The following SESN3 variants were observed in gnomAD, a reference collection of about 807,000 sequenced individuals.
SESN3 encodes the protein sestrin-3.
Under a neutral mutation model 55.3 loss-of-function variants are expected in SESN3, and 21 were observed. The ratio of observed to expected loss-of-function variants is 0.38; its 90% CI spans 0.27 to 0.55. The LOEUF (loss-of-function observed/expected upper bound fraction) is 0.55. SESN3 is among the 20% of genes least tolerant of loss of function. The pLI is 0.76. For synonymous variants in SESN3, 181 were observed against 203.1 expected, an observed-to-expected ratio of 0.89 and a Z score of 0.93; for missense variants, 408 against 604.3, an observed-to-expected ratio of 0.68 and a Z score of 3.41.
At chr11:95,190,743 T>C (rs1389842341) in intron 3 of SESN3, among the ~76,000 whole-genome samples, 1 of 151,956 alleles carries the variant, frequency 6.6e-6, no homozygotes, top group Non-Finnish European at 1.5e-5. Context: ...ATCTCCTAAC[T>C]CCTGGCTAGT....
intron 9 of SESN3, among the ~76,000 whole-genome samples, chr11:95,175,062 C>T (rs574191666): frequency 6.6e-6 from 1 of 152,196 alleles, no homozygotes; most frequent in South Asian, 2.1e-4. Flanking sequence ...CTAAAGTTAA[C>T]CTATTAAGAC....
chr11:95,192,738 G>A (rs182465075), intron 2 of SESN3, among the ~76,000 whole-genome samples: 17 of 152,184 alleles, frequency 1.1e-4, no homozygotes, highest in African/African-American at 4.1e-4. Context: ...CTACAATGGC[G>A]TAACTCATTA....
At chr11:95,218,364 C>G (rs1318797565) in intron 1 of SESN3, among the ~76,000 whole-genome samples, 1 of 152,206 alleles carries the variant, frequency 6.6e-6, no homozygotes, top group South Asian at 2.1e-4. Context: ...CATCACGCTA[C>G]GTAGGTAAAA....
intron 1 of SESN3, among the ~76,000 whole-genome samples, chr11:95,225,175 A>G (rs1237638651): frequency 1.3e-5 from 2 of 152,202 alleles, no homozygotes; most frequent in East Asian, 3.8e-4. Context: ...GGGCTAGCAT[A>G]GTTTTACCCC....
intron 1 of SESN3, among the ~76,000 whole-genome samples, chr11:95,197,548 G>T (rs1045858048): frequency 2.0e-5 from 3 of 151,172 alleles, no homozygotes; most frequent in African/African-American, 7.3e-5. Context: ...GGGCTCAAGC[G>T]ATTCTCCTGC....
chr11:95,188,519 A>G (rs1006042384), intron 4 of SESN3, among the ~76,000 whole-genome samples: 1 of 151,842 alleles, frequency 6.6e-6, no homozygotes, highest in Admixed American at 6.6e-5. Flanking sequence ...TATGATCTCA[A>G]TTCTTCCCAG....
At chr11:95,184,081 AAAC>A (rs1274445952) in intron 6 of SESN3, 1 of 338,328 alleles carries the variant, frequency 3.0e-6, no homozygotes, top group Non-Finnish European at 5.3e-6. Flanking sequence ...TTATCTATTG[AAAC>A]AATATTTCAC....
intron 1 of SESN3, among the ~76,000 whole-genome samples, chr11:95,206,365 T>TACACACACACACACAC (rs3032056): frequency 5.0e-5 from 7 of 140,378 alleles, no homozygotes; most frequent in African/African-American, 1.8e-4. Context: ...AGTCCTAAAA[T>TACACACACACACACAC]ACACACACAC....
intron 1 of SESN3, among the ~76,000 whole-genome samples, chr11:95,194,083 A>G (rs1860316350): frequency 6.6e-6 from 1 of 152,124 alleles, no homozygotes; most frequent in Non-Finnish European, 1.5e-5. Context: ...TCCACTTGCT[A>G]TTCTATTGGT....
At chr11:95,210,219 G>T (rs1054444613) in intron 1 of SESN3, among the ~76,000 whole-genome samples, 1 of 151,158 alleles carries the variant, frequency 6.6e-6, no homozygotes, top group Admixed American at 6.6e-5. Context: ...GCCTGTAGGG[G>T]GTTAGGGGAG....
chr11:95,182,469 C>A (rs1281906380), intron 6 of SESN3, among the ~76,000 whole-genome samples: 1 of 152,132 alleles, frequency 6.6e-6, no homozygotes, highest in Non-Finnish European at 1.5e-5. Context: ...ATCTCTTCTA[C>A]CCTTTGTATT....
intron 1 of SESN3, among the ~76,000 whole-genome samples, chr11:95,202,332 A>G (rs78215015): frequency 0.012 from 1,850 of 152,166 alleles, 48 homozygotes; most frequent in African/African-American, 0.042. Flanking sequence ...GAACAAGAAC[A>G]TCCTGTGGAT....
rs1345044086 is a variant in SESN3, at chr11:95,226,594, TAAGTA to T, written c.78+4184_78+4188del. 3.3e-5 allele frequency among the ~76,000 whole-genome samples: 5 copies of T among 152,314 alleles called. No individual in the cohort carries two copies. In the East Asian group the frequency reaches 7.7e-4, roughly 23 times the overall value. On this transcript the variant is annotated intron_variant, in intron 1 of 9. Coordinates refer to ENST00000536441, the MANE Select transcript of SESN3 (RefSeq NM_144665.4). ...TGTTCTCACAAGTAAACATTTAACT[TAAGTA>T]AATATGGAAGGAATTCTTTTTAAAA...
chr11:95,209,619 A>G (rs1202931776), intron 1 of SESN3, among the ~76,000 whole-genome samples: 1 of 151,380 alleles, frequency 6.6e-6, no homozygotes, highest in Non-Finnish European at 1.5e-5. Flanking sequence ...CTGCAGCACT[A>G]TTCACAATAG....
chr11:95,215,990 T>G (rs904044165), intron 1 of SESN3, among the ~76,000 whole-genome samples: 9 of 149,482 alleles, frequency 6.0e-5, no homozygotes, highest in Non-Finnish European at 1.0e-4. Flanking sequence ...CCCAGCTACT[T>G]GGGAGGCTGA....
chr11:95,219,764 T>TTTG (rs1184309425), intron 1 of SESN3, among the ~76,000 whole-genome samples: 2 of 151,934 alleles, frequency 1.3e-5, no homozygotes, highest in African/African-American at 4.8e-5. Context: ...AATATTTTTT[T>TTTG]TTTTGCCAAA....
At chr11:95,226,034 TAAAA>T (rs71036382) in intron 1 of SESN3, among the ~76,000 whole-genome samples, 1 of 132,410 alleles carries the variant, frequency 7.6e-6, no homozygotes, top group Non-Finnish European at 1.6e-5. Context: ...CAAAAATAAG[TAAAA>T]AAAAAAAAAA....
intron 1 of SESN3, among the ~76,000 whole-genome samples, chr11:95,207,006 C>G (rs913710090): frequency 1.3e-5 from 2 of 152,026 alleles, no homozygotes; most frequent in African/African-American, 4.8e-5. Context: ...GTCTTGAACT[C>G]CTGACCTCGT....
intron 6 of SESN3, among the ~76,000 whole-genome samples, chr11:95,181,624 A>G (rs1860060209): frequency 6.6e-6 from 1 of 152,140 alleles, no homozygotes; most frequent in African/African-American, 2.4e-5. Context: ...AACTGAAAAT[A>G]CAAAAAACAG....
Sources: gnomAD v4.1 joint callset for allele counts (sites outside exome capture counted in the v4.1 genomes callset) on GRCh38, gnomAD v4.1.1 for gene constraint, MANE v1.5 for transcripts, NCBI Gene and HGNC (gene_info 2026-07-23, HGNC 2026-07-21) for gene names.